CFTR: variants seen among roughly 807,000 people sequenced by gnomAD.
The protein encoded by CFTR is cystic fibrosis transmembrane conductance regulator.
In CFTR, 181 loss-of-function variants were observed where a neutral mutation model predicts 171.6. The ratio of observed to expected loss-of-function variants is 1.05; its 90% confidence interval spans 0.93 to 1.19. The LOEUF (loss-of-function observed/expected upper bound fraction) is 1.19, where lower values mean the gene tolerates loss of function less well. CFTR is among the 50% of genes most tolerant of loss of function. The probability of loss-of-function intolerance (pLI) is 0.00; values close to 1 mark genes in which losing one functional copy is unlikely to be tolerated. For synonymous variants in CFTR, 583 were observed against 608.0 expected (o/e 0.96, Z 0.60); for missense variants, 1,968 against 1,734.7 (o/e 1.13, Z -2.39).
intron 24 of CFTR, among the ~76,000 whole-genome samples, chr7:117,658,605 C>T (rs1314733239): frequency 6.6e-6 from 1 of 152,112 alleles, no homozygotes; most frequent in Non-Finnish European, 1.5e-5. Context: ...CTTCCCTGCC[C>T]CACCACATAC....
chr7:117,650,022 A>G (rs180776853), intron 23 of CFTR, among the ~76,000 whole-genome samples: 4 of 152,262 alleles, frequency 2.6e-5, no homozygotes, highest in Admixed American at 2.6e-4. Flanking sequence ...GGTGGCAGGA[A>G]GAAAGAGAAG....
chr7:117,551,808 A>T (rs991044364), intron 10 of CFTR, among the ~76,000 whole-genome samples: 1 of 152,176 alleles, frequency 6.6e-6, no homozygotes, highest in East Asian at 1.9e-4. Context: ...GGGGAGTTTC[A>T]GTCCTTCTGT....
intron 11 of CFTR, among the ~76,000 whole-genome samples, chr7:117,565,410 G>A (rs1041378383): frequency 2.6e-5 from 4 of 152,200 alleles, no homozygotes; most frequent in African/African-American, 9.7e-5. Context: ...ATGGCTGACA[G>A]GAGGAGAATT....
At chr7:117,564,118 C>G (rs1378256331) in intron 11 of CFTR, among the ~76,000 whole-genome samples, 1 of 152,182 alleles carries the variant, frequency 6.6e-6, no homozygotes, top group Non-Finnish European at 1.5e-5. Flanking sequence ...CTCCACGTAG[C>G]ACATTGAGAG....
At chr7:117,538,839 G>A (rs1202097911) in intron 7 of CFTR, among the ~76,000 whole-genome samples, 1 of 152,146 alleles carries the variant, frequency 6.6e-6, no homozygotes, top group Non-Finnish European at 1.5e-5. Flanking sequence ...ACTGAAATTG[G>A]TAAACATTAG....
intron 11 of CFTR, among the ~76,000 whole-genome samples, chr7:117,566,858 G>A (rs1237765170): frequency 6.6e-6 from 1 of 152,192 alleles, no homozygotes; most frequent in Non-Finnish European, 1.5e-5. Context: ...TTCCAAAAGT[G>A]TGAGCTAGGT....
At chr7:117,611,281 A>G (rs555320511) in intron 19 of CFTR, among the ~76,000 whole-genome samples, 5 of 152,290 alleles carry the variant, frequency 3.3e-5, no homozygotes, top group African/African-American at 1.2e-4. Context: ...TTTTTTTAGT[A>G]AGAATTAATT....
At chr7:117,516,899 C>T (rs945454106) in intron 3 of CFTR, among the ~76,000 whole-genome samples, 2 of 152,128 alleles carry the variant, frequency 1.3e-5, no homozygotes, top group African/African-American at 4.8e-5. Flanking sequence ...TTCTCTTCAT[C>T]TCAATTTCAT....
intron 3 of CFTR, 69 bp downstream of exon 3, chr7:117,509,211 C>T (rs1779651851): frequency 1.0e-6 from 1 of 967,766 alleles, no homozygotes; most frequent in Non-Finnish European, 1.7e-6. Context: ...TATGAAAAGA[C>T]TACGAAATCT....
intron 3 of CFTR, among the ~76,000 whole-genome samples, chr7:117,519,899 T>C (rs1336304971): frequency 6.6e-6 from 1 of 151,908 alleles, no homozygotes; most frequent in Non-Finnish European, 1.5e-5. Flanking sequence ...TCTTAGAAGG[T>C]GTTCTTGACT....
intron 1 of CFTR, among the ~76,000 whole-genome samples, chr7:117,493,954 A>G (rs1315709140): frequency 6.6e-6 from 1 of 152,122 alleles, no homozygotes; most frequent in African/African-American, 2.4e-5. Context: ...GAGAACATAA[A>G]CAAATGAAGG....
At chr7:117,562,263 A>T (rs778361473) in intron 11 of CFTR, among the ~76,000 whole-genome samples, 2 of 152,186 alleles carry the variant, frequency 1.3e-5, no homozygotes, top group Non-Finnish European at 2.9e-5. Context: ...CCTGAGAGAC[A>T]GTTCTTATTA....
intron 1 of CFTR, among the ~76,000 whole-genome samples, chr7:117,488,666 G>A (rs187424086): frequency 4.5e-4 from 69 of 151,872 alleles, no homozygotes; most frequent in Middle Eastern, 3.4e-3. Flanking sequence ...ATTTTCCATG[G>A]GACCGCAGTG....
intron 1 of CFTR, among the ~76,000 whole-genome samples, chr7:117,497,515 T>A (rs1798258762): frequency 6.6e-6 from 1 of 152,170 alleles, no homozygotes; most frequent in South Asian, 2.1e-4. Context: ...AGCTGAGAGA[T>A]CTTCAGAGCT....
intron 11 of CFTR, among the ~76,000 whole-genome samples, chr7:117,573,876 A>G (rs552958573): frequency 1.3e-5 from 2 of 152,270 alleles, no homozygotes; most frequent in Admixed American, 6.5e-5. Context: ...CTTAATTCCA[A>G]TGAATGATTT....
intron 2 of CFTR, 143 bp from the exon 3 acceptor site, chr7:117,508,891 G>C: frequency 1.5e-6 from 1 of 674,728 alleles, no homozygotes; most frequent in African/African-American, 1.8e-5. Context: ...GGTGTTGTAT[G>C]GTCTCCATGA....
intron 2 of CFTR, among the ~76,000 whole-genome samples, chr7:117,506,779 C>G (rs980365735): frequency 5.3e-5 from 8 of 152,146 alleles, no homozygotes; most frequent in African/African-American, 1.9e-4. Context: ...TATGCCAGTA[C>G]AAACCCATAC....
chr7:117,622,340 G>A (rs1792595870), intron 21 of CFTR, among the ~76,000 whole-genome samples: 1 of 152,102 alleles, frequency 6.6e-6, no homozygotes, highest in African/African-American at 2.4e-5. Context: ...ATGGCCTAAA[G>A]ATTATGCTAA....
In CFTR at chr7:117,559,560, A is replaced by G; in HGVS notation, c.1489A>G (p.Ile497Val). ...RISFCSQFSW[I>V]MPGTIKENII... Reference sequence around the variant, plus strand: ...TTCATTCTGTTCTCAGTTTTCCTGGATTATGCCTGGCACCATTAAAGAAAA... The same window carrying G: ...TTCATTCTGTTCTCAGTTTTCCTGGGTTATGCCTGGCACCATTAAAGAAAA... Residue 497 changes from isoleucine (I) to valine (V), a missense_variant, in exon 11 of 27, where the codon ATT becomes GTT. Transcript: ENST00000003084. The G allele has an allele frequency of 6.2e-7, 1 of 1,612,358 alleles. No homozygotes were observed. Among genetic ancestry groups the G allele is most frequent in the Non-Finnish European group, 8.5e-7 (1 of 1,178,524 alleles).
Sources: gnomAD v4.1 joint callset for allele counts (sites outside exome capture counted in the v4.1 genomes callset) on GRCh38, gnomAD v4.1.1 for gene constraint, MANE v1.5 for transcripts, NCBI Gene and HGNC (gene_info 2026-07-23, HGNC 2026-07-21) for gene names.